The following CARTPT variants were observed in gnomAD, a reference collection of about 807,000 sequenced individuals.
The protein encoded by CARTPT is cocaine- and amphetamine-regulated transcript protein.
CARTPT carries 6 observed loss-of-function variants against 12.2 expected under a neutral mutation model. The ratio of observed to expected loss-of-function variants is 0.49; its 90% confidence interval spans 0.27 to 0.97. The LOEUF (loss-of-function observed/expected upper bound fraction) is 0.97, where lower values mean the gene tolerates loss of function less well. Among genes scored for constraint, CARTPT ranks in the 50% least tolerant of loss-of-function variants. The probability of loss-of-function intolerance (pLI) is 0.12; values close to 1 mark genes in which losing one functional copy is unlikely to be tolerated. For missense variants in CARTPT, 135 were observed against 142.0 expected, an observed-to-expected ratio of 0.95 and a Z score of 0.25; for synonymous variants, 75 against 64.1, an observed-to-expected ratio of 1.17 and a Z score of -0.82.
At position 71,719,355 on chromosome 5, in the gene CARTPT, C is replaced by T; in HGVS notation, c.62C>T (p.Pro21Leu). 6.2e-7 allele frequency: 1 copy of T among 1,614,054 alleles called. No homozygotes were observed. The highest frequency in any genetic ancestry group is 1.7e-5 in the Admixed American group (1 of 60,030). Residue 21 changes from proline (P) to leucine (L), a missense_variant, in exon 1 of 3, where the codon CCT becomes CTT. Physicochemically the swap from Pro to Leu is moderately conservative, Grantham distance 98. Transcript: ENST00000296777. ...GGCGCCGCCCTGCTGCTGATGCTACCTCTGTTGGGTACCCGTGCCCAGGAG... is the reference window on the plus strand; with the variant it reads ...GGCGCCGCCCTGCTGCTGATGCTACTTCTGTTGGGTACCCGTGCCCAGGAG... ...LLGAALLLML[P>L]LLGTRAQEDA...
chr5:71,720,881 G>A lies in CARTPT; in HGVS notation c.*266G>A, dbSNP rs755168527. 7 of 446,720 alleles carry A rather than the reference G, an allele frequency of 1.6e-5. No homozygotes were observed. Among genetic ancestry groups the A allele is most frequent in the Non-Finnish European group, 2.9e-5 (7 of 244,530 alleles). 27.7% of individuals were successfully genotyped at this position (446,720 alleles called of 1,614,324 possible). On this transcript the variant is annotated 3_prime_UTR_variant, in exon 3 of 3. Transcript: ENST00000296777. ...CTCTTGTGTACCTTTGTGTAAAGAA[G>A]GGAAGCTTTGTTTGAAAATTGTATT... is the stretch of plus-strand genomic sequence containing the variant.
chr5:71,720,067 GTA>G (rs1748676470), intron 2 of CARTPT, 104 bp downstream of exon 2: 1 of 1,021,776 alleles, frequency 9.8e-7, no homozygotes, highest in African/African-American at 1.6e-5. Context: ...AATAACTTAG[GTA>G]ATGGGCTTGC....
chr5:71,720,937 G>A lies in CARTPT; in HGVS notation c.*322G>A, dbSNP rs1302159444. On this transcript the variant is annotated 3_prime_UTR_variant, in exon 3 of 3. Coordinates refer to ENST00000296777, the MANE Select transcript of CARTPT (RefSeq NM_004291.4). ...ATGTGGCATGGCAGAATGAAAATTA[G>A]ATCTAGCTAATCTCGGTAGATGTCA... The A allele has an allele frequency of 2.8e-6, 1 of 351,488 alleles. No individual in the cohort carries two copies. Among genetic ancestry groups the A allele is most frequent in the Non-Finnish European group, 5.4e-6 (1 of 183,972 alleles). 21.8% of individuals were successfully genotyped at this position (351,488 alleles called of 1,614,324 possible).
chr5:71,719,558 G>T (rs1252826278), intron 1 of CARTPT, 106 bp downstream of exon 1: 8 of 1,404,958 alleles, frequency 5.7e-6, no homozygotes, highest in African/African-American at 4.2e-5. Context: ...GAGTCAGGGC[G>T]CGGGGAGCTG....
At chr5:71,719,790 G>C in intron 1 of CARTPT, 90 bp from the exon 2 acceptor site, 2 of 1,213,694 alleles carry the variant, frequency 1.6e-6, no homozygotes. Flanking sequence ...TGTGGGTCCG[G>C]GGCTCCTTAT....
chr5:71,720,570 T>C lies in CARTPT; in HGVS notation c.306T>C (p.Cys102=). 1 of 1,612,940 alleles carries C rather than the reference T, an allele frequency of 6.2e-7. No homozygotes were observed. The change falls in exon 3 of 3, where the codon TGT becomes TGC. Residue 102 remains cysteine, a synonymous_variant. Coordinates refer to ENST00000296777, the MANE Select transcript of CARTPT (RefSeq NM_004291.4). ...KGARIGKLCD[C]PRGTSCNSFL... ...CAAGGATCGGGAAGCTGTGTGACTGTCCCCGAGGAACCTCCTGCAATTCCT... is the reference window on the plus strand; with the variant it reads ...CAAGGATCGGGAAGCTGTGTGACTGCCCCCGAGGAACCTCCTGCAATTCCT...
Position 71,720,711 on chromosome 5 carries a change from GT to G in CARTPT, c.*101del. ...GAGTTTGGCTTAAGCAACAGATAAA[GT>G]TTTTATTTTCCTCTGAAGGGAAAGG... On this transcript the variant is annotated 3_prime_UTR_variant, in exon 3 of 3. Coordinates refer to ENST00000296777, the MANE Select transcript of CARTPT (RefSeq NM_004291.4). The G allele has an allele frequency of 9.5e-6, 9 of 948,572 alleles. No homozygotes were observed. Among genetic ancestry groups the G allele is most frequent in the Non-Finnish European group, 1.5e-5 (9 of 597,168 alleles). The allele number at this position is 948,572 out of a possible 1,614,324, so 58.8% of individuals were successfully genotyped here. A position where few individuals can be genotyped will look rare whatever the true frequency, so the allele number is the denominator to read the frequency against.
rs1748691853 is a variant in CARTPT at position 71,720,703 on chromosome 5, C to T, written c.*88C>T. The T allele has an allele frequency of 9.7e-7, 1 of 1,031,072 alleles. No individual in the cohort carries two copies. 63.9% of individuals were successfully genotyped at this position (1,031,072 alleles called of 1,614,324 possible). ...CCTCCCTGGAGTTTGGCTTAAGCAA[C>T]AGATAAAGTTTTTATTTTCCTCTGA... On this transcript the variant is annotated 3_prime_UTR_variant, in exon 3 of 3. Transcript: ENST00000296777.
In CARTPT at chr5:71,720,859, T is replaced by C; in HGVS notation, c.*244T>C. The stretch of plus-strand genomic sequence containing the variant: ...CTTATTTTATTTGTCTGACAAACTC[T>C]TGTGTACCTTTGTGTAAAGAAGGGA... On this transcript the variant is annotated 3_prime_UTR_variant, in exon 3 of 3. Transcript: ENST00000296777. 2.0e-6 allele frequency: 1 copy of C among 489,950 alleles called. No individual in the cohort carries two copies. The allele number at this position is 489,950 out of a possible 1,614,324, so 30.4% of individuals were successfully genotyped here. A position where few individuals can be genotyped will look rare whatever the true frequency, so the allele number is the denominator to read the frequency against.
intron 1 of CARTPT, 60 bp from the exon 2 acceptor site, chr5:71,719,820 C>A: frequency 6.6e-7 from 1 of 1,514,578 alleles, no homozygotes; most frequent in Non-Finnish European, 9.2e-7. Context: ...TGGAAGTGCG[C>A]ACCTGGGCTG....
At chr5:71,720,106 C>G in intron 2 of CARTPT, 143 bp downstream of exon 2, 1 of 765,942 alleles carries the variant, frequency 1.3e-6, no homozygotes. Context: ...CTTCTTCCTT[C>G]CCGGGTGAGG....
chr5:71,719,528 C>G (rs1018698438), intron 1 of CARTPT, 76 bp downstream of exon 1: 29 of 1,540,058 alleles, frequency 1.9e-5, no homozygotes, highest in Middle Eastern at 1.7e-4. Flanking sequence ...CTCCTCCCCC[C>G]ACCCCCACTC....
At chr5:71,719,558 G>A (rs1252826278) in intron 1 of CARTPT, 106 bp downstream of exon 1, 3 of 1,405,074 alleles carry the variant, frequency 2.1e-6, no homozygotes, top group Non-Finnish European at 2.0e-6. Flanking sequence ...GAGTCAGGGC[G>A]CGGGGAGCTG....
rs1748670222 is a variant in CARTPT at position 71,719,818 on chromosome 5, C to T, written c.160-62C>T. 6 of 1,494,478 alleles carry T rather than the reference C, an allele frequency of 4.0e-6. No individual in the cohort carries two copies. The African/African-American group carries it at 5.5e-5, about 14-fold the overall frequency. The allele number at this position is 1,494,478 out of a possible 1,614,324, so 92.6% of individuals were successfully genotyped here. On this transcript the variant is annotated intron_variant, in intron 1 of 2. Transcript: ENST00000296777. ...CTCCTTATAACTAGGGCTGGAAGTGCGCACCTGGGCTGGGCTCGCAGCCAA... is the reference window on the plus strand; with the variant it reads ...CTCCTTATAACTAGGGCTGGAAGTGTGCACCTGGGCTGGGCTCGCAGCCAA...
rs780996574 is a variant in CARTPT at position 71,720,613 on chromosome 5, T to G, written c.349T>G (p.Ter117GlyextTer54). The G allele has an allele frequency of 6.2e-7, 1 of 1,602,586 alleles. No individual in the cohort carries two copies. Among genetic ancestry groups the G allele is most frequent in the Admixed American group, 1.7e-5 (1 of 58,594 alleles). ...SCNSFLLKCL[*>G] Reference sequence around the variant, plus strand: ...CAATTCCTTCCTCCTGAAGTGCTTATGAAGGGGCGTCCATTCTCCTCCATA... The same window carrying G: ...CAATTCCTTCCTCCTGAAGTGCTTAGGAAGGGGCGTCCATTCTCCTCCATA... Residue 117 changes from the stop codon to glycine, a stop_lost, in exon 3 of 3, where the codon TGA (stop) becomes GGA (glycine). Transcript: ENST00000296777.
chr5:71,720,536 G>C lies in CARTPT; in HGVS notation c.272G>C (p.Arg91Thr), dbSNP rs774537467. 2 of 1,613,212 alleles carry C rather than the reference G, an allele frequency of 1.2e-6. No homozygotes were observed. Among genetic ancestry groups the C allele is most frequent in the Non-Finnish European group, 1.7e-6 (2 of 1,179,764 alleles). Residue 91 changes from arginine to threonine, a missense_variant, in exon 3 of 3, where the codon AGG (arginine) becomes ACG (threonine). Physicochemically the swap from Arg to Thr is moderately conservative, Grantham distance 71. Transcript: ENST00000296777. ...MCDAGEQCAV[R>T]KGARIGKLCD... ...GACGCCGGTGAGCAGTGTGCAGTGAGGAAAGGGGCAAGGATCGGGAAGCTG... is the reference window on the plus strand; with the variant it reads ...GACGCCGGTGAGCAGTGTGCAGTGACGAAAGGGGCAAGGATCGGGAAGCTG...
Position 71,720,518 on chromosome 5 carries a change from G to T in CARTPT, c.254G>T (p.Gly85Val), listed in dbSNP as rs1309782280. The change falls in exon 3 of 3, where the codon GGT becomes GTT. Residue 85 changes from glycine to valine, a missense_variant. Gly to Val is a moderately radical substitution (Grantham distance 109). Transcript: ENST00000296777. ...KYGQVPMCDAGEQCAVRKGAR... is the reference protein window; with the variant it reads ...KYGQVPMCDAVEQCAVRKGAR... ...ATTTTGTTGTTTCAGTGTGACGCCG[G>T]TGAGCAGTGTGCAGTGAGGAAAGGG... is the stretch of plus-strand genomic sequence containing the variant. The T allele has an allele frequency of 6.2e-7, 1 of 1,612,308 alleles. No individual in the cohort carries two copies. The highest frequency in any genetic ancestry group is 2.2e-5 in the East Asian group (1 of 44,868).
intron 2 of CARTPT, 86 bp from the exon 3 acceptor site, chr5:71,720,422 A>G: frequency 4.2e-6 from 5 of 1,189,868 alleles, no homozygotes; most frequent in Non-Finnish European, 3.7e-6. Flanking sequence ...CCCTTTCAAG[A>G]GACAGAAATT....
chr5:71,719,584 C>A (rs1748664591), intron 1 of CARTPT, 132 bp downstream of exon 1: 2 of 1,065,290 alleles, frequency 1.9e-6, no homozygotes, highest in Non-Finnish European at 2.8e-6. Flanking sequence ...AACGCCCAGG[C>A]ACCCACTGCC....
Sources: allele counts gnomAD v4.1 joint callset, GRCh38; gene constraint gnomAD v4.1.1; transcripts MANE v1.5; gene names NCBI Gene and HGNC (gene_info 2026-07-23, HGNC 2026-07-21).